The following NLGN1 variants were observed in gnomAD, a reference collection of about 807,000 sequenced individuals.
The protein encoded by NLGN1 is neuroligin-1.
NLGN1 carries 12 observed loss-of-function variants against 65.5 expected under a neutral mutation model. That is an observed-to-expected ratio of 0.18 (90% confidence interval 0.12 to 0.30). The LOEUF is 0.30. Among genes scored for constraint, NLGN1 ranks in the 10% least tolerant of loss-of-function variants. The pLI is 1.00. For missense variants in NLGN1, 750 were observed against 1,007.1 expected (o/e 0.74, Z 3.46); for synonymous variants, 350 against 359.5 (o/e 0.97, Z 0.30).
chr3:173,506,168 AT>A (rs1258956480), intron 2 of NLGN1, among the ~76,000 whole-genome samples: 3 of 152,014 alleles, frequency 2.0e-5, no homozygotes, highest in Non-Finnish European at 2.9e-5. Flanking sequence ...GGCAAAAGGA[AT>A]TTTCTATCCT....
intron 4 of NLGN1, among the ~76,000 whole-genome samples, chr3:174,009,158 G>C (rs1016483948): frequency 6.6e-6 from 1 of 152,170 alleles, no homozygotes; most frequent in Non-Finnish European, 1.5e-5. Context: ...ATGGTTAAGA[G>C]AGAAGGAGCA....
intron 4 of NLGN1, among the ~76,000 whole-genome samples, chr3:173,986,763 CA>C (rs1204467680): frequency 2.4e-4 from 36 of 152,294 alleles, no homozygotes; most frequent in Non-Finnish European, 1.5e-5. Context: ...GAAATCTATT[CA>C]ATTGCCAGCT....
intron 4 of NLGN1, among the ~76,000 whole-genome samples, chr3:174,134,809 C>T (rs572599888): frequency 6.6e-6 from 1 of 152,238 alleles, no homozygotes; most frequent in South Asian, 2.1e-4. Flanking sequence ...AGTGGAGACA[C>T]AAGTGGGTGC....
chr3:173,807,815 A>G (rs757402442), exon 4 of NLGN1: 4 of 1,613,538 alleles, frequency 2.5e-6, no homozygotes, highest in Non-Finnish European at 3.4e-6. Context: ...ACAGTCAACT[A>G]TCGACTTGGA....
intron 1 of NLGN1, among the ~76,000 whole-genome samples, chr3:173,422,064 A>G (rs1715176799): frequency 1.3e-5 from 2 of 150,872 alleles, no homozygotes; most frequent in Non-Finnish European, 1.5e-5. Context: ...AATAAACTCA[A>G]ACACTTATCA....
chr3:173,490,009 C>T (rs915632900), intron 2 of NLGN1, among the ~76,000 whole-genome samples: 1 of 152,186 alleles, frequency 6.6e-6, no homozygotes, highest in East Asian at 1.9e-4. Flanking sequence ...GAGTAGGTTG[C>T]AAACATTTTC....
intron 2 of NLGN1, among the ~76,000 whole-genome samples, chr3:173,537,775 T>G (rs1737698779): frequency 6.6e-6 from 1 of 152,132 alleles, no homozygotes; most frequent in Non-Finnish European, 1.5e-5. Flanking sequence ...TTCATTGACT[T>G]TATGCACAGG....
intron 2 of NLGN1, among the ~76,000 whole-genome samples, chr3:173,497,341 G>C (rs959734136): frequency 6.6e-6 from 1 of 150,896 alleles, no homozygotes; most frequent in Non-Finnish European, 1.5e-5. Flanking sequence ...TGAGCCAAGA[G>C]CATGCCACTG....
intron 3 of NLGN1, among the ~76,000 whole-genome samples, chr3:173,744,376 AG>A (rs1490476435): frequency 6.6e-6 from 1 of 152,130 alleles, no homozygotes; most frequent in African/African-American, 2.4e-5. Flanking sequence ...GATAAGTAAA[AG>A]CAGATGCACT....
chr3:174,055,150 C>CT (rs113474137), intron 4 of NLGN1, among the ~76,000 whole-genome samples: 4,293 of 117,562 alleles, frequency 0.037, 227 homozygotes, highest in African/African-American at 0.11. Flanking sequence ...AAGGAGCTTG[C>CT]TTTTTTTTTT....
chr3:174,146,568 A>G (rs999256846), intron 4 of NLGN1, among the ~76,000 whole-genome samples: 21 of 151,504 alleles, frequency 1.4e-4, no homozygotes, highest in Admixed American at 9.2e-4. Context: ...TCTGACATGA[A>G]TCTTTTTTTT....
intron 4 of NLGN1, among the ~76,000 whole-genome samples, chr3:174,189,274 C>G (rs1731951585): frequency 6.6e-6 from 1 of 151,928 alleles, no homozygotes; most frequent in Non-Finnish European, 1.5e-5. Context: ...AACCCCTATG[C>G]CCTCAGATGA....
intron 4 of NLGN1, among the ~76,000 whole-genome samples, chr3:174,067,891 G>A (rs1738984115): frequency 6.6e-6 from 1 of 152,156 alleles, no homozygotes; most frequent in South Asian, 2.1e-4. Flanking sequence ...TGAGAATCAG[G>A]ACACAGAAGT....
At chr3:174,117,122 A>C (rs1284653003) in intron 4 of NLGN1, among the ~76,000 whole-genome samples, 1 of 151,860 alleles carries the variant, frequency 6.6e-6, no homozygotes, top group Non-Finnish European at 1.5e-5. Context: ...ATAATCTTGA[A>C]TTTTCAATGA....
intron 4 of NLGN1, among the ~76,000 whole-genome samples, chr3:174,210,483 A>C (rs1184581057): frequency 6.6e-6 from 1 of 152,214 alleles, no homozygotes; most frequent in Non-Finnish European, 1.5e-5. Context: ...CAATGGTGGC[A>C]GGGGATGGAA....
chr3:173,649,197 TA>T (rs1758748547), intron 3 of NLGN1, among the ~76,000 whole-genome samples: 1 of 152,076 alleles, frequency 6.6e-6, no homozygotes, highest in African/African-American at 2.4e-5. Flanking sequence ...ATGCAAACTA[TA>T]GTAACAGAAA....
intron 4 of NLGN1, among the ~76,000 whole-genome samples, chr3:173,830,625 A>G (rs1042519605): frequency 1.3e-4 from 20 of 152,220 alleles, no homozygotes; most frequent in African/African-American, 4.6e-4. Flanking sequence ...TGAAACTCAT[A>G]AATATATTTT....
chr3:173,420,655 C>T (rs1292556250), intron 1 of NLGN1, among the ~76,000 whole-genome samples: 1 of 152,156 alleles, frequency 6.6e-6, no homozygotes, highest in South Asian at 2.1e-4. Flanking sequence ...AATTGCCACA[C>T]CGACTTCCAC....
At chr3:173,725,418 G>C (rs1444554732) in intron 3 of NLGN1, among the ~76,000 whole-genome samples, 5 of 152,126 alleles carry the variant, frequency 3.3e-5, no homozygotes, top group African/African-American at 1.2e-4. Context: ...CAAGAACTGA[G>C]CCCTGCTTCA....
Sources: gnomAD v4.1 joint callset for allele counts (sites outside exome capture counted in the v4.1 genomes callset) on GRCh38, gnomAD v4.1.1 for gene constraint, MANE v1.5 for transcripts, NCBI Gene and HGNC (gene_info 2026-07-23, HGNC 2026-07-21) for gene names.